Variants in ARHGAP20 observed in about 807,000 individuals in gnomAD.
ARHGAP20 encodes rho GTPase-activating protein 20.
ARHGAP20 carries 34 observed loss-of-function variants against 73.7 expected under a neutral mutation model. That is an observed-to-expected ratio of 0.46 (90% CI 0.35 to 0.61). The LOEUF is 0.61. ARHGAP20 is among the 20% of genes least tolerant of loss of function. The pLI, the probability that ARHGAP20 is intolerant of heterozygous loss-of-function variation, is 0.00. For missense variants in ARHGAP20, 1,314 were observed against 1,420.9 expected, an observed-to-expected ratio of 0.92 and a Z score of 1.21; for synonymous variants, 523 against 518.2, an observed-to-expected ratio of 1.01 and a Z score of -0.13.
intron 2 of ARHGAP20, among the ~76,000 whole-genome samples, chr11:110,676,107 G>A (rs936219559): frequency 2.0e-5 from 3 of 152,184 alleles, no homozygotes; most frequent in Admixed American, 2.0e-4. Context: ...CTTCATGTTA[G>A]AAGTTTAAAC....
intron 9 of ARHGAP20, among the ~76,000 whole-genome samples, chr11:110,595,059 T>A (rs1326566928): frequency 6.6e-6 from 1 of 151,426 alleles, no homozygotes; most frequent in African/African-American, 2.4e-5. Flanking sequence ...ATTATCTCAA[T>A]AGATGCAGAA....
At chr11:110,705,203 A>G (rs778968847) in intron 1 of ARHGAP20, among the ~76,000 whole-genome samples, 8 of 152,166 alleles carry the variant, frequency 5.3e-5, no homozygotes, top group African/African-American at 1.2e-4. Context: ...TGGAAAGGTA[A>G]GAACTGTGAA....
At chr11:110,670,332 A>T (rs1190474580) in intron 2 of ARHGAP20, among the ~76,000 whole-genome samples, 1 of 152,000 alleles carries the variant, frequency 6.6e-6, no homozygotes, top group African/African-American at 2.4e-5. Flanking sequence ...GCCTTTAACT[A>T]GACAGATCTA....
chr11:110,603,414 G>A (rs1328077102), intron 9 of ARHGAP20, among the ~76,000 whole-genome samples: 2 of 152,098 alleles, frequency 1.3e-5, no homozygotes, highest in South Asian at 2.1e-4. Flanking sequence ...AAAATTACGA[G>A]GCAAAACAGT....
rs1947761831 is a variant in ARHGAP20, at chr11:110,589,352, G to A, written c.1305+1296C>T. On this transcript the variant is annotated intron_variant, in intron 11 of 14. Transcript: ENST00000683387. ...CAAAAATTTATAGCAGGGTTTAAGA[G>A]CAGATATGGCTTATTTATCCAGAAA... 5.2e-6 allele frequency: 5 copies of A among 966,042 alleles called. No individual in the cohort carries two copies. The South Asian group carries it at 1.9e-4, about 37-fold the overall frequency. 59.8% of individuals were successfully genotyped at this position (966,042 alleles called of 1,614,324 possible). A position where few individuals can be genotyped will look rare whatever the true frequency, so the allele number is the denominator to read the frequency against.
chr11:110,662,151 A>ATG (rs998840878), intron 2 of ARHGAP20, among the ~76,000 whole-genome samples: 1 of 151,892 alleles, frequency 6.6e-6, no homozygotes, highest in Non-Finnish European at 1.5e-5. Context: ...ATATATATAT[A>ATG]AAATTCATAG....
chr11:110,601,246 C>T (rs958180735), intron 9 of ARHGAP20, among the ~76,000 whole-genome samples: 5 of 152,146 alleles, frequency 3.3e-5, no homozygotes, highest in African/African-American at 1.2e-4. Context: ...CTGACTATAA[C>T]AACTAGCACT....
intron 11 of ARHGAP20, among the ~76,000 whole-genome samples, chr11:110,587,945 T>C (rs1050513205): frequency 6.6e-6 from 1 of 152,234 alleles, no homozygotes; most frequent in African/African-American, 2.4e-5. Context: ...TTTTAGCTGC[T>C]GTACCCACTT....
chr11:110,606,427 A>G (rs1245191373), intron 9 of ARHGAP20, 134 bp downstream of exon 9: 1 of 978,968 alleles, frequency 1.0e-6, no homozygotes, highest in African/African-American at 1.6e-5. Context: ...ATCTTCTTCT[A>G]AAAGTCCATC....
intron 2 of ARHGAP20, among the ~76,000 whole-genome samples, chr11:110,690,088 T>C (rs1042534406): frequency 1.3e-5 from 2 of 152,182 alleles, no homozygotes; most frequent in Admixed American, 1.3e-4. Flanking sequence ...TAACTAATAA[T>C]GCCTAAAATC....
At chr11:110,581,563 A>ATC (rs1947469397) in intron 14 of ARHGAP20, among the ~76,000 whole-genome samples, 1 of 152,220 alleles carries the variant, frequency 6.6e-6, no homozygotes, top group Non-Finnish European at 1.5e-5. Flanking sequence ...GCCTTCTAAC[A>ATC]GATTGCTAGT....
chr11:110,711,116 G>A (rs1950643177), intron 1 of ARHGAP20, among the ~76,000 whole-genome samples: 1 of 152,104 alleles, frequency 6.6e-6, no homozygotes, highest in African/African-American at 2.4e-5. Flanking sequence ...TCCTCAGGGA[G>A]CGAAACGGCA....
intron 4 of ARHGAP20, among the ~76,000 whole-genome samples, chr11:110,619,461 T>TGTATATGCAGTGATAGA (rs1948573057): frequency 4.0e-5 from 5 of 124,740 alleles, no homozygotes; most frequent in African/African-American, 1.5e-4. Context: ...GTAGTGATAG[T>TGTATATGCAGTGATAGA]GTATATGTAG....
Position 110,579,249 on chromosome 11 carries a change from T to C in ARHGAP20, c.*121A>G. 1 of 1,429,678 alleles carries C rather than the reference T, an allele frequency of 7.0e-7. No homozygotes were observed. The highest frequency in any genetic ancestry group is 9.2e-7 in the Non-Finnish European group (1 of 1,091,310). 88.6% of individuals were successfully genotyped at this position (1,429,678 alleles called of 1,614,324 possible). A position where few individuals can be genotyped will look rare whatever the true frequency, so the allele number is the denominator to read the frequency against. On this transcript the variant is annotated 3_prime_UTR_variant, in exon 15 of 15. Transcript: ENST00000683387. ...GAGAATTATTTCGTTGTCCTAAGTA[T>C]TAGCAATGATAATCCTTATGCTACC...
chr11:110,611,333 C>G lies in ARHGAP20; in HGVS notation c.684G>C (p.Met228Ile). Reference protein sequence around the residue: ...NSDTANEVINMSLPMLGITGS... With the variant: ...NSDTANEVINISLPMLGITGS... ...CAGTTATCCCTAGCATTGGTAATGA[C>G]ATGTTGATAACTTCATTCGCTGTAT... Residue 228 changes from methionine (M) to isoleucine (I), a missense_variant, in exon 7 of 15, where the codon ATG (methionine) becomes ATC (isoleucine). Physicochemically the swap from Met to Ile is conservative, Grantham distance 10. Transcript: ENST00000683387. 1.3e-6 allele frequency: 2 copies of G among 1,568,786 alleles called. No homozygotes were observed. The highest frequency in any genetic ancestry group is 8.7e-7 in the Non-Finnish European group (1 of 1,154,040).
At chr11:110,589,501 T>G (rs1947766408) in intron 11 of ARHGAP20, 2 of 985,346 alleles carry the variant, frequency 2.0e-6, no homozygotes, top group Admixed American at 1.2e-4. Context: ...CGTTTCAGCC[T>G]GAGATACAGG....
At chr11:110,606,845 A>G in intron 8 of ARHGAP20, 96 bp from the exon 9 acceptor site, 1 of 1,083,408 alleles carries the variant, frequency 9.2e-7, no homozygotes, top group African/African-American at 1.6e-5. Flanking sequence ...TACTCCTGGG[A>G]CTTTTGGCAT....
chr11:110,710,503 C>A (rs1274165102), intron 1 of ARHGAP20, among the ~76,000 whole-genome samples: 1 of 151,998 alleles, frequency 6.6e-6, no homozygotes, highest in Admixed American at 6.5e-5. Flanking sequence ...CAATTCCTTA[C>A]GTTTACAAAA....
At chr11:110,588,577 T>C (rs1947735395) in intron 11 of ARHGAP20, among the ~76,000 whole-genome samples, 1 of 152,206 alleles carries the variant, frequency 6.6e-6, no homozygotes. Context: ...AAAATGTTAA[T>C]TACTTGGAAC....
Sources: gnomAD v4.1 joint callset for allele counts (sites outside exome capture counted in the v4.1 genomes callset) on GRCh38, gnomAD v4.1.1 for gene constraint, MANE v1.5 for transcripts, NCBI Gene and HGNC (gene_info 2026-07-23, HGNC 2026-07-21) for gene names.